TRPM3: variants seen among roughly 807,000 people sequenced by gnomAD.
The protein encoded by TRPM3 is transient receptor potential cation channel subfamily M member 3, also known as long transient receptor potential channel 3.
Under a neutral mutation model 181.2 loss-of-function variants are expected in TRPM3, and 77 were observed. The observed-to-expected ratio is 0.42, with a 90% CI of 0.35 to 0.51. The LOEUF (loss-of-function observed/expected upper bound fraction) is 0.51, where lower values mean the gene tolerates loss of function less well. Ranked by LOEUF, TRPM3 falls within the 20% of genes least tolerant of loss-of-function variation. The pLI is 0.01. For synonymous variants in TRPM3, 745 were observed against 796.4 expected (o/e 0.94, Z 1.09); for missense variants, 1,759 against 2,196.7 (o/e 0.80, Z 3.98).
At chr9:71,366,639 CTAA>C (rs2092344844) in intron 1 of TRPM3, among the ~76,000 whole-genome samples, 1 of 152,154 alleles carries the variant, frequency 6.6e-6, no homozygotes, top group African/African-American at 2.4e-5. Flanking sequence ...CAATCTCCTG[CTAA>C]TAATTTGTTT....
At chr9:71,430,388 G>A (rs2093936760) in intron 1 of TRPM3, among the ~76,000 whole-genome samples, 1 of 152,170 alleles carries the variant, frequency 6.6e-6, no homozygotes, top group South Asian at 2.1e-4. Context: ...AGAATGGATG[G>A]AAATTCTTCA....
intron 6 of TRPM3, among the ~76,000 whole-genome samples, chr9:70,816,482 C>G (rs530318871): frequency 1.3e-5 from 2 of 152,296 alleles, no homozygotes; most frequent in Middle Eastern, 3.4e-3. Context: ...TGTTCTTTTC[C>G]CCCAAGAGGG....
chr9:70,626,770 A>AT (rs1273537015), intron 12 of TRPM3, among the ~76,000 whole-genome samples: 1 of 152,062 alleles, frequency 6.6e-6, no homozygotes, highest in Admixed American at 6.5e-5. Context: ...ATTAATTAAA[A>AT]TTTTTTTGCT....
chr9:71,342,591 G>A (rs1246314970), intron 1 of TRPM3, among the ~76,000 whole-genome samples: 1 of 152,054 alleles, frequency 6.6e-6, no homozygotes, highest in Non-Finnish European at 1.5e-5. Context: ...AGGATGTGCA[G>A]CAACAAAAAC....
intron 1 of TRPM3, among the ~76,000 whole-genome samples, chr9:70,977,320 G>A (rs932258724): frequency 6.6e-6 from 1 of 152,138 alleles, no homozygotes; most frequent in African/African-American, 2.4e-5. Context: ...ATTTTTAGTA[G>A]AGACGGGGTT....
intron 6 of TRPM3, 51 bp from the exon 7 acceptor site, chr9:70,784,330 C>A: frequency 6.7e-7 from 1 of 1,501,272 alleles, no homozygotes; most frequent in Non-Finnish European, 8.9e-7. Context: ...GAACACAAAG[C>A]CAGCAAACCA....
At position 71,121,583 on chromosome 9, in the gene TRPM3, A is replaced by G. The variant is rs200035691; in HGVS notation, c.-229T>C. On this transcript the variant is annotated 5_prime_UTR_variant, in exon 1 of 26. Transcript: ENST00000677713. ...GAAGAAGAGGGACAGCCTGCACAAAACAGCCTGTGGTCGGAGTCAAAGCAG... is the reference window on the plus strand; with the variant it reads ...GAAGAAGAGGGACAGCCTGCACAAAGCAGCCTGTGGTCGGAGTCAAAGCAG... 1 of 1,308,124 alleles carries G rather than the reference A, an allele frequency of 7.6e-7. No individual in the cohort carries two copies. Among genetic ancestry groups the G allele is most frequent in the Non-Finnish European group, 9.7e-7 (1 of 1,029,364 alleles). The allele number at this position is 1,308,124 out of a possible 1,614,324, so 81.0% of individuals were successfully genotyped here. A position where few individuals can be genotyped will look rare whatever the true frequency, so the allele number is the denominator to read the frequency against.
chr9:70,760,325 A>G (rs2077877709), intron 8 of TRPM3, among the ~76,000 whole-genome samples: 2 of 150,910 alleles, frequency 1.3e-5, no homozygotes, highest in African/African-American at 2.4e-5. Flanking sequence ...GATAATCCCT[A>G]CTGTGGCATG....
intron 1 of TRPM3, among the ~76,000 whole-genome samples, chr9:71,024,979 G>A (rs2097882049): frequency 6.6e-6 from 1 of 152,166 alleles, no homozygotes; most frequent in Non-Finnish European, 1.5e-5. Context: ...GCTGCTTGGA[G>A]AGGGAAACTG....
At chr9:70,888,115 G>A (rs1175357104) in intron 1 of TRPM3, among the ~76,000 whole-genome samples, 1 of 152,068 alleles carries the variant, frequency 6.6e-6, no homozygotes, top group East Asian at 1.9e-4. Flanking sequence ...GGCACAGATT[G>A]TAGCATGCTC....
intron 1 of TRPM3, among the ~76,000 whole-genome samples, chr9:71,031,032 T>C (rs1243860216): frequency 6.6e-6 from 1 of 152,166 alleles, no homozygotes; most frequent in Non-Finnish European, 1.5e-5. Flanking sequence ...AGATAATATC[T>C]TGGGCTGCTA....
At chr9:71,012,213 G>A (rs2097751203) in intron 1 of TRPM3, among the ~76,000 whole-genome samples, 1 of 152,034 alleles carries the variant, frequency 6.6e-6, no homozygotes, top group African/African-American at 2.4e-5. Flanking sequence ...TAGGTATTGT[G>A]TTTTCCCAAC....
intron 1 of TRPM3, among the ~76,000 whole-genome samples, chr9:70,883,177 C>A (rs2132717605): frequency 1.3e-5 from 2 of 152,326 alleles, no homozygotes; most frequent in Admixed American, 1.3e-4. Flanking sequence ...ATCACCTCCA[C>A]ACCCATCCCC....
chr9:71,097,282 C>T (rs2067475808), intron 1 of TRPM3, among the ~76,000 whole-genome samples: 1 of 151,976 alleles, frequency 6.6e-6, no homozygotes, highest in Non-Finnish European at 1.5e-5. Flanking sequence ...TTAGGATATA[C>T]AGTACATGGA....
intron 1 of TRPM3, among the ~76,000 whole-genome samples, chr9:70,914,497 T>C (rs905886139): frequency 2.0e-5 from 3 of 152,230 alleles, no homozygotes; most frequent in African/African-American, 7.2e-5. Context: ...AGAAAATCCC[T>C]GCAGTGATGG....
intron 1 of TRPM3, among the ~76,000 whole-genome samples, chr9:71,376,950 T>G (rs1352491887): frequency 6.6e-6 from 1 of 152,070 alleles, no homozygotes; most frequent in Non-Finnish European, 1.5e-5. Context: ...AGAATAGACT[T>G]TGAAATTCAA....
At chr9:70,571,461 C>A (rs1302518171) in intron 22 of TRPM3, among the ~76,000 whole-genome samples, 2 of 152,118 alleles carry the variant, frequency 1.3e-5, no homozygotes, top group African/African-American at 4.8e-5. Context: ...GGTTTCTGAG[C>A]CGCCTGCCAG....
At chr9:70,638,655 T>C (rs71505904) in intron 11 of TRPM3, among the ~76,000 whole-genome samples, 632 of 152,324 alleles carry the variant, frequency 4.1e-3, no homozygotes, top group Non-Finnish European at 6.4e-3. Flanking sequence ...ATGAACTTCA[T>C]AGCTCTGAGG....
chr9:71,166,237 G>A (rs1504403), intron 1 of TRPM3, among the ~76,000 whole-genome samples: 1 of 151,844 alleles, frequency 6.6e-6, no homozygotes, highest in Non-Finnish European at 1.5e-5. Context: ...TCACCAAATG[G>A]AGGATGAACA....
Sources: allele counts gnomAD v4.1 joint callset (sites outside exome capture counted in the v4.1 genomes callset), GRCh38; gene constraint gnomAD v4.1.1; transcripts MANE v1.5; gene names NCBI Gene and HGNC (gene_info 2026-07-23, HGNC 2026-07-21).